Variants in CLSTN1 observed in about 807,000 individuals in gnomAD.
CLSTN1 encodes the protein calsyntenin-1.
In CLSTN1, 28 loss-of-function variants were observed where a neutral mutation model predicts 108.3. The observed-to-expected ratio is 0.26, with a 90% confidence interval of 0.19 to 0.35. CLSTN1 has a LOEUF of 0.35. Ranked by LOEUF, CLSTN1 falls within the 10% of genes least tolerant of loss-of-function variation. CLSTN1 has a pLI of 1.00. For missense variants in CLSTN1, 1,157 were observed against 1,302.6 expected (o/e 0.89, Z 1.72); for synonymous variants, 524 against 534.9 (o/e 0.98, Z 0.28).
At chr1:9,744,352 T>C (rs745360122) in intron 8 of CLSTN1, 43 bp downstream of exon 8, 2 of 1,572,226 alleles carry the variant, frequency 1.3e-6, no homozygotes, top group African/African-American at 2.7e-5. Flanking sequence ...CCCACCCTAC[T>C]GGACACTGGG....
At chr1:9,759,121 G>C (rs1308303972) in intron 2 of CLSTN1, among the ~76,000 whole-genome samples, 1 of 152,144 alleles carries the variant, frequency 6.6e-6, no homozygotes. Flanking sequence ...AGTCCCACTG[G>C]ACAGAGTTGC....
chr1:9,735,982 G>C lies in CLSTN1; in HGVS notation c.1637C>G (p.Ser546Cys), dbSNP rs1202455341. ...RGNLAGLTLR[S>C]GKLADKKVID... ...CACCTTCTTATCCGCGAGTTTCCCG[G>C]AACGGAGAGTTAAGCCAGCCAGATT... The change falls in exon 12 of 19, where the codon TCC (serine) becomes TGC (cysteine). Residue 546 changes from serine to cysteine, a missense_variant. Ser to Cys is a moderately radical substitution (Grantham distance 112). Transcript: ENST00000377298. The C allele has an allele frequency of 4.3e-6, 7 of 1,614,190 alleles. No homozygotes were observed. The South Asian group carries it at 5.5e-5, about 13-fold the overall frequency.
intron 1 of CLSTN1, among the ~76,000 whole-genome samples, chr1:9,795,840 G>A (rs1412068469): frequency 6.6e-6 from 1 of 150,468 alleles, no homozygotes; most frequent in Non-Finnish European, 1.5e-5. Context: ...CTATAGTCCT[G>A]GCTACTTGGG....
At chr1:9,788,924 G>A (rs920257044) in intron 1 of CLSTN1, among the ~76,000 whole-genome samples, 1 of 149,896 alleles carries the variant, frequency 6.7e-6, no homozygotes, top group Non-Finnish European at 1.5e-5. Context: ...CCTCATATGA[G>A]TGGGATCACA....
chr1:9,776,447 T>G (rs1418436638), intron 1 of CLSTN1, among the ~76,000 whole-genome samples: 3 of 152,046 alleles, frequency 2.0e-5, no homozygotes, highest in African/African-American at 7.2e-5. Context: ...GGTTGCACAA[T>G]AGTGTGAATG....
intron 1 of CLSTN1, among the ~76,000 whole-genome samples, chr1:9,804,636 G>A (rs1485699595): frequency 6.6e-6 from 1 of 151,988 alleles, no homozygotes; most frequent in Non-Finnish European, 1.5e-5. Flanking sequence ...CTTGAGCCCA[G>A]GATTTTGAGA....
chr1:9,740,079 G>C (rs1557692868), intron 10 of CLSTN1, among the ~76,000 whole-genome samples: 2 of 152,014 alleles, frequency 1.3e-5, no homozygotes, highest in South Asian at 2.1e-4. Context: ...GCCTCCCAAA[G>C]TGCTGGGATT....
At chr1:9,808,377 A>C (rs1225360617) in intron 1 of CLSTN1, among the ~76,000 whole-genome samples, 1 of 152,150 alleles carries the variant, frequency 6.6e-6, no homozygotes, top group Non-Finnish European at 1.5e-5. Flanking sequence ...CAATCTACCC[A>C]ATTTCCACTT....
At chr1:9,746,950 TG>T (rs1651296493) in intron 7 of CLSTN1, among the ~76,000 whole-genome samples, 1 of 150,980 alleles carries the variant, frequency 6.6e-6, no homozygotes, top group Admixed American at 6.6e-5. Flanking sequence ...GAGGCCGAGG[TG>T]GGTGGATCAC....
chr1:9,793,116 G>A (rs923628633), intron 1 of CLSTN1, among the ~76,000 whole-genome samples: 4 of 151,236 alleles, frequency 2.6e-5, no homozygotes, highest in African/African-American at 4.8e-5. Context: ...AGATTCAAGC[G>A]ATTCTCCTGC....
chr1:9,805,670 C>T (rs183251021), intron 1 of CLSTN1, among the ~76,000 whole-genome samples: 1 of 152,148 alleles, frequency 6.6e-6, no homozygotes, highest in East Asian at 1.9e-4. Flanking sequence ...AGTTCAAGAT[C>T]GGCCTGGCCA....
chr1:9,730,465 CAG>C lies in CLSTN1; in HGVS notation c.*41_*42del, dbSNP rs532822000. ...TTGGGACTGGGAGAACGGATGGCAG[CAG>C]AGTCTTCGAAAGCAGAAACCGAGGT... On this transcript the variant is annotated 3_prime_UTR_variant, in exon 19 of 19. Transcript: ENST00000377298. The surrounding 1 kb of genome is among the most constrained non-coding windows in gnomAD (Gnocchi z 5.6). 3.1e-5 allele frequency: 48 copies of C among 1,559,550 alleles called. No homozygotes were observed. The East Asian group carries it at 5.8e-4, about 19-fold the overall frequency.
At chr1:9,821,286 G>A (rs914269659) in intron 1 of CLSTN1, among the ~76,000 whole-genome samples, 27 of 152,110 alleles carry the variant, frequency 1.8e-4, no homozygotes, top group African/African-American at 6.5e-4. Context: ...GCGTCCACCA[G>A]TACACCCAGC....
At chr1:9,821,780 A>G (rs1175573092) in intron 1 of CLSTN1, among the ~76,000 whole-genome samples, 1 of 152,188 alleles carries the variant, frequency 6.6e-6, no homozygotes, top group Non-Finnish European at 1.5e-5. Context: ...CTAACTTGCA[A>G]CCTGAAAAAA....
At position 9,774,467 on chromosome 1, in the gene CLSTN1, G is replaced by C. The variant is rs148145850; in HGVS notation, c.92-1073C>G. 4.8e-3 allele frequency among the ~76,000 whole-genome samples: 726 copies of C among 152,018 alleles called. 3 individuals are homozygous for C. Among genetic ancestry groups the C allele is most frequent in the African/African-American group, 0.016 (653 of 41,468 alleles). On this transcript the variant is annotated intron_variant, in intron 1 of 18. Transcript: ENST00000377298. ...TGTAATCCCAGCTACTCGGGAGGCT[G>C]AGGCAGAAGAATCGCCTGAACCTGG...
intron 1 of CLSTN1, among the ~76,000 whole-genome samples, chr1:9,796,108 A>G (rs546527030): frequency 7.3e-5 from 11 of 150,620 alleles, no homozygotes; most frequent in Middle Eastern, 3.4e-3. Flanking sequence ...CTAAACACAG[A>G]AAAATTAGCT....
At position 9,737,094 on chromosome 1, in the gene CLSTN1, C is replaced by T. The variant is rs140452435; in HGVS notation, c.1576+404G>A. Among the ~76,000 whole-genome samples, 888 of 152,092 alleles carry T rather than the reference C, an allele frequency of 5.8e-3. 10 individuals carry two copies. The highest frequency in any genetic ancestry group is 0.02 in the African/African-American group (823 of 41,486). ...TCTCAAAACAAAAAAAAAAGAGAGA[C>T]GTCTATTTAAAATTTACTGTCAATC... On this transcript the variant is annotated intron_variant, in intron 11 of 18. Coordinates refer to ENST00000377298, the MANE Select transcript of CLSTN1 (RefSeq NM_001009566.3).
chr1:9,790,032 A>T (rs563915265), intron 1 of CLSTN1, among the ~76,000 whole-genome samples: 18 of 151,512 alleles, frequency 1.2e-4, no homozygotes, highest in South Asian at 2.2e-4. Flanking sequence ...ATTACCTAAA[A>T]TTTCACAATT....
At chr1:9,740,376 T>TA (rs1570439622) in intron 10 of CLSTN1, among the ~76,000 whole-genome samples, 1 of 152,088 alleles carries the variant, frequency 6.6e-6, no homozygotes, top group Non-Finnish European at 1.5e-5. Flanking sequence ...CTTCTCAAAG[T>TA]AAAAAAATTC....
Sources: gnomAD v4.1 joint callset for allele counts (sites outside exome capture counted in the v4.1 genomes callset) on GRCh38, gnomAD v4.1.1 for gene constraint, Gnocchi (gnomAD v3.1) non-coding constraint, MANE v1.5 for transcripts, NCBI Gene and HGNC (gene_info 2026-07-23, HGNC 2026-07-21) for gene names.